The following PTPRD variants were observed in gnomAD, a reference collection of about 807,000 sequenced individuals.
PTPRD encodes the protein receptor-type tyrosine-protein phosphatase delta.
PTPRD carries 34 observed loss-of-function variants against 214.5 expected under a neutral mutation model. The ratio of observed to expected loss-of-function variants is 0.16; its 90% CI spans 0.12 to 0.21. PTPRD has a LOEUF of 0.21. Among genes scored for constraint, PTPRD ranks in the 10% least tolerant of loss-of-function variants. The pLI, the probability that PTPRD is intolerant of heterozygous loss-of-function variation, is 1.00. For synonymous variants in PTPRD, 1,128 were observed against 845.7 expected (o/e 1.33, Z -5.79); for missense variants, 2,545 against 2,398.7 (o/e 1.06, Z -1.27).
chr9:9,604,469 T>C (rs2094010790), intron 7 of PTPRD, among the ~76,000 whole-genome samples: 1 of 152,102 alleles, frequency 6.6e-6, no homozygotes, highest in Admixed American at 6.6e-5. Context: ...ATTATTTGTA[T>C]GTTTTAGAAT....
chr9:8,687,838 C>G (rs1476245220), intron 12 of PTPRD, among the ~76,000 whole-genome samples: 1 of 151,348 alleles, frequency 6.6e-6, no homozygotes, highest in Non-Finnish European at 1.5e-5. Flanking sequence ...ACATCAGTGT[C>G]TACATTTGGA....
Position 9,652,225 on chromosome 9 carries a change from T to C in PTPRD, c.-286-77444A>G, listed in dbSNP as rs540912817. Among the ~76,000 whole-genome samples the C allele has an allele frequency of 5.9e-5, 9 of 152,286 alleles. No individual in the cohort carries two copies. The East Asian group carries it at 1.7e-3, about 29-fold the overall frequency. On this transcript the variant is annotated intron_variant, in intron 7 of 45. Transcript: ENST00000381196. The stretch of plus-strand genomic sequence containing the variant: ...ACCAGTGTATCCTTGTCTTACTATC[T>C]GCTGGCTTGGCTGATGCCTTTTGTT...
At chr9:8,526,505 G>GA (rs796991914) in intron 17 of PTPRD, 122 bp downstream of exon 17, 41,803 of 573,504 alleles carry the variant, frequency 0.073, 1 homozygote, top group Non-Finnish European at 0.081. Context: ...ACAGTACAAA[G>GA]AAAAAAAAAA....
intron 10 of PTPRD, among the ~76,000 whole-genome samples, chr9:9,072,322 C>T (rs1038767736): frequency 2.0e-5 from 3 of 150,042 alleles, no homozygotes; most frequent in African/African-American, 7.4e-5. Context: ...CACACACACA[C>T]TCCTTAATAT....
At chr9:9,837,693 G>C (rs139239831) in intron 5 of PTPRD, among the ~76,000 whole-genome samples, 2 of 152,104 alleles carry the variant, frequency 1.3e-5, no homozygotes, top group South Asian at 4.1e-4. Flanking sequence ...AATAACAGTG[G>C]TAGCATCCTA....
At chr9:10,092,254 T>G (rs530506912) in intron 3 of PTPRD, among the ~76,000 whole-genome samples, 82 of 151,516 alleles carry the variant, frequency 5.4e-4, no homozygotes, top group African/African-American at 1.9e-3. Flanking sequence ...AAATGCCCAT[T>G]TAGATATATA....
intron 7 of PTPRD, among the ~76,000 whole-genome samples, chr9:9,655,518 G>C (rs558519016): frequency 3.3e-5 from 5 of 151,478 alleles, no homozygotes; most frequent in African/African-American, 4.8e-5. Context: ...GCAGTGAGCC[G>C]AAATTGCATC....
At chr9:9,822,865 T>G (rs1471463500) in intron 5 of PTPRD, among the ~76,000 whole-genome samples, 1 of 152,060 alleles carries the variant, frequency 6.6e-6, no homozygotes, top group Non-Finnish European at 1.5e-5. Context: ...ACACTGTTGG[T>G]GGGAATGTAA....
chr9:8,811,559 A>C (rs117430149), intron 11 of PTPRD, among the ~76,000 whole-genome samples: 1 of 152,328 alleles, frequency 6.6e-6, no homozygotes, highest in Non-Finnish European at 1.5e-5. Context: ...TAAGGAACAG[A>C]ACAATCATTC....
intron 5 of PTPRD, among the ~76,000 whole-genome samples, chr9:9,936,107 C>A (rs2089268372): frequency 6.8e-6 from 1 of 146,080 alleles, no homozygotes; most frequent in African/African-American, 2.8e-5. Context: ...AAACGTTCGA[C>A]CTAAAACCAT....
chr9:9,342,359 T>A (rs891994472), intron 9 of PTPRD, among the ~76,000 whole-genome samples: 6 of 152,138 alleles, frequency 3.9e-5, no homozygotes, highest in Non-Finnish European at 8.8e-5. Context: ...GGAAAATAAA[T>A]TTGTATACTA....
chr9:9,336,910 T>C (rs2044732451), intron 9 of PTPRD, among the ~76,000 whole-genome samples: 1 of 152,326 alleles, frequency 6.6e-6, no homozygotes, highest in East Asian at 1.9e-4. Context: ...ATTATTATGC[T>C]GTTCATTTGA....
chr9:10,248,841 G>A (rs1366730444), intron 3 of PTPRD, among the ~76,000 whole-genome samples: 3 of 151,192 alleles, frequency 2.0e-5, no homozygotes, highest in African/African-American at 7.3e-5. Context: ...TATGACCCCT[G>A]TACATAAGCT....
intron 11 of PTPRD, among the ~76,000 whole-genome samples, chr9:8,958,168 G>A (rs995750459): frequency 6.6e-5 from 10 of 151,952 alleles, no homozygotes; most frequent in African/African-American, 2.2e-4. Context: ...TGAGACGGGT[G>A]CCAGAATTTG....
rs555557079 is a variant in PTPRD, at chr9:8,708,842, C to G, written c.64+24938G>C. Reference sequence around the variant, plus strand: ...ACATTAGCCAAGATGTGGAAGCAACCTAAGTGTCCATCAATGGATGAGTGA... The same window carrying G: ...ACATTAGCCAAGATGTGGAAGCAACGTAAGTGTCCATCAATGGATGAGTGA... On this transcript the variant is annotated intron_variant, in intron 12 of 45. Coordinates refer to ENST00000381196, the MANE Select transcript of PTPRD (RefSeq NM_002839.4). 2.6e-4 allele frequency among the ~76,000 whole-genome samples: 39 copies of G among 152,202 alleles called. No individual in the cohort carries two copies. In the South Asian group the frequency reaches 7.5e-3, roughly 29 times the overall value.
At chr9:10,593,958 C>T (rs2133048734) in intron 2 of PTPRD, among the ~76,000 whole-genome samples, 1 of 151,976 alleles carries the variant, frequency 6.6e-6, no homozygotes, top group East Asian at 1.9e-4. Flanking sequence ...TCTGCTTTGT[C>T]TTAAAAACAT....
chr9:10,520,954 T>A (rs1185333559), intron 2 of PTPRD, among the ~76,000 whole-genome samples: 1 of 151,556 alleles, frequency 6.6e-6, no homozygotes, highest in African/African-American at 2.4e-5. Flanking sequence ...GCAAGAAGAT[T>A]AATGTTGTTT....
intron 9 of PTPRD, among the ~76,000 whole-genome samples, chr9:9,239,664 C>T (rs961783605): frequency 2.0e-5 from 3 of 152,126 alleles, no homozygotes; most frequent in African/African-American, 7.2e-5. Flanking sequence ...GGGATCTGGG[C>T]AGATGGCCAT....
chr9:9,601,117 G>A (rs1048786099), intron 7 of PTPRD, among the ~76,000 whole-genome samples: 3 of 51,356 alleles, frequency 5.8e-5, no homozygotes, highest in Non-Finnish European at 1.6e-4. Context: ...ATATATGTGT[G>A]TGTGTGTGTG....
Sources: gnomAD v4.1 joint callset for allele counts (sites outside exome capture counted in the v4.1 genomes callset) on GRCh38, gnomAD v4.1.1 for gene constraint, MANE v1.5 for transcripts, NCBI Gene and HGNC (gene_info 2026-07-23, HGNC 2026-07-21) for gene names.